ZNF503: variants seen among roughly 807,000 people sequenced by gnomAD.
The protein encoded by ZNF503 is zinc finger protein 503.
A neutral mutation model predicts 34.4 loss-of-function variants in ZNF503; 15 were observed. The observed-to-expected ratio is 0.44, with a 90% CI of 0.29 to 0.67. The LOEUF is 0.67. ZNF503 is among the 30% of genes least tolerant of loss of function. The pLI, the probability that ZNF503 is intolerant of heterozygous loss-of-function variation, is 0.13. For synonymous variants in ZNF503, 580 were observed against 456.8 expected (o/e 1.27, Z -3.44); for missense variants, 1,007 against 926.8 (o/e 1.09, Z -1.12).
At chr10:75,396,719 C>A (rs956751804), downstream of ZNF503, among the ~76,000 whole-genome samples, 1 of 152,058 alleles carries the variant, frequency 6.6e-6, no homozygotes, top group Non-Finnish European at 1.5e-5. The surrounding 1 kb of genome is among the most constrained non-coding windows in gnomAD (Gnocchi z 4.4). Flanking sequence ...AGAGCTGTGA[C>A]TCCACGGTCC....
chr10:75,354,344 C>A, the ZNF503 span, among the ~76,000 whole-genome samples: 1 of 152,228 alleles, frequency 6.6e-6, no homozygotes, highest in Middle Eastern at 3.4e-3. Flanking sequence ...ACAAAATGGA[C>A]AAAGTCGTAG....
chr10:75,400,059 C>A lies in ZNF503; in HGVS notation c.631G>T (p.Gly211Ter). ...GGGGVSSEKS[G>*]FRVPSATCQP... is the part of the protein sequence containing the mutation. The stretch of plus-strand genomic sequence containing the variant: ...CAGGTGGCGCTCGGTACCCGGAATC[C>A]CGACTTCTCCGACGAAACACCCCCG... Residue 211 changes from glycine (G) to a stop codon, truncating the protein, a stop_gained, in exon 2 of 2, where the codon GGA becomes TGA. Coordinates refer to ENST00000372524, the MANE Select transcript of ZNF503 (RefSeq NM_032772.6). LOFTEE classifies it high-confidence loss of function. 1 of 1,577,620 alleles carries A rather than the reference C, an allele frequency of 6.3e-7. No homozygotes were observed. Among genetic ancestry groups the A allele is most frequent in the Non-Finnish European group, 8.6e-7 (1 of 1,164,542 alleles).
the ZNF503 span, among the ~76,000 whole-genome samples, chr10:75,285,105 A>G: frequency 1.3e-5 from 2 of 152,200 alleles, no homozygotes; most frequent in South Asian, 4.1e-4. Context: ...TATCAACATA[A>G]CTAACATCTG....
the ZNF503 span, among the ~76,000 whole-genome samples, chr10:75,389,863 C>T: frequency 6.6e-6 from 1 of 152,176 alleles, no homozygotes; most frequent in South Asian, 2.1e-4. Flanking sequence ...CAAGGTCTGC[C>T]TCCGTTTTGG....
chr10:75,401,602 CCG>C lies in ZNF503; in HGVS notation c.-185_-184del, dbSNP rs780357728. 1.4e-6 allele frequency: 1 copy of C among 713,992 alleles called. No individual in the cohort carries two copies. The highest frequency in any genetic ancestry group is 1.7e-5 in the South Asian group (1 of 59,262). The allele number at this position is 713,992 out of a possible 1,614,324, so 44.2% of individuals were successfully genotyped here. On this transcript the variant is annotated 5_prime_UTR_variant, in exon 1 of 2. Coordinates refer to ENST00000372524, the MANE Select transcript of ZNF503 (RefSeq NM_032772.6). ...CCAGACGCGAGTAATCCTGGGTGGC[CCG>C]CAGCGGAGCCGTGGCCGGGCTAGAG...
the ZNF503 span, among the ~76,000 whole-genome samples, chr10:75,315,685 A>G: frequency 2.0e-5 from 3 of 152,320 alleles, no homozygotes; most frequent in Non-Finnish European, 4.4e-5. Flanking sequence ...AGAACAAAGA[A>G]TCTACAAAAT....
the ZNF503 span, among the ~76,000 whole-genome samples, chr10:75,365,912 A>G: frequency 6.6e-6 from 1 of 152,178 alleles, no homozygotes; most frequent in African/African-American, 2.4e-5. Context: ...TGGGAACATA[A>G]GGGAGGAATC....
downstream of ZNF503, among the ~76,000 whole-genome samples, chr10:75,393,560 A>G (rs921987834): frequency 2.0e-5 from 3 of 151,986 alleles, no homozygotes; most frequent in Non-Finnish European, 2.9e-5. Flanking sequence ...TGTTTGAAAA[A>G]TCTCCATTAA....
At chr10:75,356,506 C>A in the ZNF503 span, among the ~76,000 whole-genome samples, 1 of 152,218 alleles carries the variant, frequency 6.6e-6, no homozygotes, top group Non-Finnish European at 1.5e-5. Flanking sequence ...TGAGCCACCG[C>A]CCCCAGCCTA....
chr10:75,292,946 C>A, the ZNF503 span, among the ~76,000 whole-genome samples: 3 of 152,210 alleles, frequency 2.0e-5, no homozygotes, highest in South Asian at 6.2e-4. Context: ...CTGCCCCAGC[C>A]CCGAGCCCTA....
At chr10:75,365,846 C>T in the ZNF503 span, among the ~76,000 whole-genome samples, 1 of 152,096 alleles carries the variant, frequency 6.6e-6, no homozygotes, top group Non-Finnish European at 1.5e-5. Context: ...AAGAAAAGGG[C>T]CAAGTTGTAT....
At chr10:75,337,997 C>T in the ZNF503 span, among the ~76,000 whole-genome samples, 1 of 152,178 alleles carries the variant, frequency 6.6e-6, no homozygotes, top group African/African-American at 2.4e-5. Context: ...ACCCATGCAT[C>T]CAAGGTCCGT....
the ZNF503 span, among the ~76,000 whole-genome samples, chr10:75,359,939 G>A: frequency 6.6e-6 from 1 of 151,946 alleles, no homozygotes; most frequent in Admixed American, 6.6e-5. Context: ...GGCCCCTATT[G>A]TCTCCTGCCC....
chr10:75,302,310 C>A, the ZNF503 span, among the ~76,000 whole-genome samples: 21 of 152,168 alleles, frequency 1.4e-4, no homozygotes, highest in East Asian at 4.1e-3. Flanking sequence ...TTGTCTTAGG[C>A]TTTCAACAGT....
the ZNF503 span, chr10:75,361,233 C>T: frequency 1.3e-5 from 2 of 152,172 alleles, no homozygotes; most frequent in Admixed American, 1.3e-4. Flanking sequence ...AGGTACTTTC[C>T]TCTTAGTGTT....
At chr10:75,376,161 G>C in the ZNF503 span, among the ~76,000 whole-genome samples, 2 of 152,156 alleles carry the variant, frequency 1.3e-5, no homozygotes, top group Non-Finnish European at 2.9e-5. Context: ...AAGAGGAAAG[G>C]CCTCAGAGAT....
At chr10:75,381,075 T>C in the ZNF503 span, among the ~76,000 whole-genome samples, 5 of 152,214 alleles carry the variant, frequency 3.3e-5, no homozygotes, top group Admixed American at 6.5e-5. Flanking sequence ...AAACCCTGAT[T>C]TGTAATTGAT....
chr10:75,380,448 T>C, the ZNF503 span, among the ~76,000 whole-genome samples: 908 of 152,226 alleles, frequency 6.0e-3, 5 homozygotes, highest in African/African-American at 1.0e-2. Flanking sequence ...ACGGTACCTA[T>C]AGGCCACTGA....
the ZNF503 span, among the ~76,000 whole-genome samples, chr10:75,390,371 CCCT>C: frequency 1.3e-5 from 2 of 151,102 alleles, no homozygotes; most frequent in Non-Finnish European, 3.0e-5. Flanking sequence ...TGTTCTTCCT[CCCT>C]CCTCTTCCTC....
Sources: gnomAD v4.1 joint callset for allele counts (sites outside exome capture counted in the v4.1 genomes callset) on GRCh38, gnomAD v4.1.1 for gene constraint, Gnocchi (gnomAD v3.1) non-coding constraint, MANE v1.5 for transcripts, NCBI Gene and HGNC (gene_info 2026-07-23, HGNC 2026-07-21) for gene names.